The following PPP6R1 variants were observed in gnomAD, a reference collection of about 807,000 sequenced individuals.
PPP6R1 encodes the protein protein phosphatase 6 regulatory subunit 1.
PPP6R1 carries 39 observed loss-of-function variants against 104.6 expected under a neutral mutation model. The observed-to-expected ratio is 0.37, with a 90% CI of 0.29 to 0.49. The LOEUF (loss-of-function observed/expected upper bound fraction) is 0.49, where lower values mean the gene tolerates loss of function less well. PPP6R1 is among the 20% of genes least tolerant of loss of function. PPP6R1 has a pLI of 0.98. For missense variants in PPP6R1, 1,181 were observed against 1,155.8 expected, an observed-to-expected ratio of 1.02 and a Z score of -0.32; for synonymous variants, 549 against 479.0, an observed-to-expected ratio of 1.15 and a Z score of -1.91.
At chr19:55,228,485 T>C (rs2087306997), downstream of PPP6R1, 2 of 1,600,648 alleles carry the variant, frequency 1.2e-6, no homozygotes, top group African/African-American at 1.3e-5. Context: ...CCAGCCCCCA[T>C]TCTTGGGACT....
At chr19:55,231,346 C>T (rs1459556230) in intron 21 of PPP6R1, 64 bp downstream of exon 21, 20 of 1,495,558 alleles carry the variant, frequency 1.3e-5, no homozygotes, top group Admixed American at 9.8e-5. Flanking sequence ...GAACCCAGAG[C>T]CCACCTCAGC....
At chr19:55,251,974 G>C (rs2087557110) in intron 1 of PPP6R1, among the ~76,000 whole-genome samples, 1 of 151,862 alleles carries the variant, frequency 6.6e-6, no homozygotes. Flanking sequence ...AGACCAAGCA[G>C]GCTGATAGGC....
chr19:55,239,309 A>C, intron 15 of PPP6R1, 96 bp downstream of exon 15: 1 of 1,249,494 alleles, frequency 8.0e-7, no homozygotes. Flanking sequence ...CTGAGCCCAC[A>C]GGGCATGTAG....
At chr19:55,257,602 C>T (rs1247405808) in intron 1 of PPP6R1, among the ~76,000 whole-genome samples, 6 of 152,178 alleles carry the variant, frequency 3.9e-5, no homozygotes, top group African/African-American at 1.4e-4. Context: ...TTCCCACTCT[C>T]CATCTGTCAC....
In PPP6R1 at chr19:55,230,427, G is replaced by T; in HGVS notation, c.*101C>A. The T allele has an allele frequency of 1.3e-6, 2 of 1,534,826 alleles. No individual in the cohort carries two copies. The highest frequency in any genetic ancestry group is 1.4e-5 in the African/African-American group (1 of 73,402). On this transcript the variant is annotated 3_prime_UTR_variant, in exon 24 of 24. Coordinates refer to ENST00000412770, the MANE Select transcript of PPP6R1 (RefSeq NM_014931.4). ...GAGGAGAGAATGTGGGGGTGTCAGG[G>T]TGATGAGGGCAATGGGGGCCATCGT... is the stretch of plus-strand genomic sequence containing the variant.
chr19:55,231,303 C>T lies in PPP6R1; in HGVS notation c.2459+107G>A. The T allele has an allele frequency of 4.5e-6, 6 of 1,345,360 alleles. No individual in the cohort carries two copies. The Admixed American group carries it at 9.9e-5, about 22-fold the overall frequency. The allele number at this position is 1,345,360 out of a possible 1,614,324, so 83.3% of individuals were successfully genotyped here. A position where few individuals can be genotyped will look rare whatever the true frequency, so the allele number is the denominator to read the frequency against. On this transcript the variant is annotated intron_variant, in intron 21 of 23. Transcript: ENST00000412770. ...CATGAGGCTGCGCCTGGGGGTCCTG[C>T]AAAGGAGGCCTGGAGCAGCTCAGGG...
At chr19:55,250,898 G>C (rs1039075672) in intron 1 of PPP6R1, among the ~76,000 whole-genome samples, 1 of 152,270 alleles carries the variant, frequency 6.6e-6, no homozygotes, top group African/African-American at 2.4e-5. Flanking sequence ...GCTTGCTGAA[G>C]GGAAAATCAG....
Position 55,231,648 on chromosome 19 carries a change from G to C in PPP6R1, c.2327C>G (p.Pro776Arg), listed in dbSNP as rs753721467. 9.9e-6 allele frequency: 16 copies of C among 1,610,324 alleles called. No individual in the cohort carries two copies. In the South Asian group the frequency reaches 1.4e-4, roughly 14 times the overall value. The change falls in exon 20 of 24, where the codon CCC (proline) becomes CGC (arginine). Residue 776 changes from proline (P) to arginine (R), a missense_variant. Physicochemically the swap from Pro to Arg is moderately radical, Grantham distance 103 (BLOSUM62 -2). Transcript: ENST00000412770. ...TTCTGTGGCTTCCTGAGGTGCTGAG[G>C]GGGGTGTGGGGTCCTGAGACCTGGT... The part of the protein sequence containing the change: ...LQLRSQDPTP[P>R]SAPQEATEGS...
At position 55,258,512 on chromosome 19, in the gene PPP6R1, G is replaced by GC. The variant is rs2087613186; in HGVS notation, c.-85dup. The GC allele has an allele frequency of 6.7e-6, 1 of 149,928 alleles. No individual in the cohort carries two copies. Among genetic ancestry groups the GC allele is most frequent in the Non-Finnish European group, 1.5e-5 (1 of 67,286 alleles). 9.3% of individuals were successfully genotyped at this position (149,928 alleles called of 1,614,324 possible). On this transcript the variant is annotated 5_prime_UTR_variant, in exon 1 of 24. Coordinates refer to ENST00000412770, the MANE Select transcript of PPP6R1 (RefSeq NM_014931.4). ...CCCCGCCCCGCCGCCGGCGGCTCCG[G>GC]CCCCTGCTGCGGGGCCCGGTGAGTG... is the stretch of plus-strand genomic sequence containing the variant.
chr19:55,230,453 G>A lies in PPP6R1; in HGVS notation c.*75C>T, dbSNP rs1216644640. 1 of 1,595,798 alleles carries A rather than the reference G, an allele frequency of 6.3e-7. No individual in the cohort carries two copies. The highest frequency in any genetic ancestry group is 8.6e-7 in the Non-Finnish European group (1 of 1,167,826). On this transcript the variant is annotated 3_prime_UTR_variant, in exon 24 of 24. Coordinates refer to ENST00000412770, the MANE Select transcript of PPP6R1 (RefSeq NM_014931.4). ...TGATGAGGGCAATGGGGGCCATCGT[G>A]GGACCCGCCCTGCCCCCACCCCGGG...
chr19:55,246,969 C>T lies in PPP6R1; in HGVS notation c.135G>A (p.Leu45=), dbSNP rs2087514393. The T allele has an allele frequency of 1.9e-6, 3 of 1,613,874 alleles. No homozygotes were observed. The Admixed American group carries it at 5.0e-5, about 27-fold the overall frequency. The change falls in exon 2 of 24, where the codon CTG becomes CTA. Residue 45 remains leucine, a synonymous_variant. Coordinates refer to ENST00000412770, the MANE Select transcript of PPP6R1 (RefSeq NM_014931.4). ...GGTGGGGTGGCTGCAGCAGGAAGTC[C>T]AGCAGCTTGCGGTTGACGACCTTGC... ...QECKVVNRKL[L]DFLLQPPHLQ... is the part of the protein sequence containing the mutation.
intron 19 of PPP6R1, 63 bp downstream of exon 19, chr19:55,231,739 C>T: frequency 6.7e-7 from 1 of 1,499,702 alleles, no homozygotes; most frequent in Non-Finnish European, 8.9e-7. Context: ...GGACGGGGAC[C>T]CCATGGCCAC....
intron 17 of PPP6R1, 94 bp from the exon 18 acceptor site, chr19:55,232,305 C>G (rs1281003011): frequency 6.9e-7 from 1 of 1,445,292 alleles, no homozygotes; most frequent in African/African-American, 1.4e-5. Flanking sequence ...CCAAGGAGAG[C>G]GGGCTGGGAT....
In PPP6R1 at chr19:55,230,816, C is replaced by A; in HGVS notation, c.2528G>T (p.Gly843Val). 6.2e-7 allele frequency: 1 copy of A among 1,603,556 alleles called. No homozygotes were observed. Among genetic ancestry groups the A allele is most frequent in the Non-Finnish European group, 8.5e-7 (1 of 1,178,732 alleles). Residue 843 changes from glycine (G) to valine (V), a missense_variant, in exon 22 of 24, where the codon GGG (glycine) becomes GTG (valine). Transcript: ENST00000412770. Reference protein sequence around the residue: ...GAHQPPQTTEGEKSPEPLGLP... With the variant: ...GAHQPPQTTEVEKSPEPLGLP... Reference sequence around the variant, plus strand: ...CCCCAAGGGCTCTGGGCTCTTCTCCCCTTCTGTGGTCTGGGGGGGCTGGTG... The same window carrying A: ...CCCCAAGGGCTCTGGGCTCTTCTCCACTTCTGTGGTCTGGGGGGGCTGGTG...
In PPP6R1 at chr19:55,236,687, G is replaced by C; in HGVS notation, c.1944C>G (p.Ser648Arg). 1 of 1,606,088 alleles carries C rather than the reference G, an allele frequency of 6.2e-7. No homozygotes were observed. The change falls in exon 17 of 24, where the codon AGC becomes AGG. Residue 648 changes from serine to arginine, a missense_variant. Physicochemically the swap from Ser to Arg is moderately radical, Grantham distance 110 (BLOSUM62 -1). Coordinates refer to ENST00000412770, the MANE Select transcript of PPP6R1 (RefSeq NM_014931.4). Reference protein sequence around the residue: ...SDGEDGAWQGSQLARGARLGQ... With the variant: ...SDGEDGAWQGRQLARGARLGQ... ...CCAGACGGGCCCCCCTGGCCAGCTG[G>C]CTGCCCTGCCAGGCGCCATCTTCTC...
At chr19:55,250,844 C>T (rs1272859426) in intron 1 of PPP6R1, among the ~76,000 whole-genome samples, 4 of 151,986 alleles carry the variant, frequency 2.6e-5, no homozygotes, top group African/African-American at 9.7e-5. Context: ...CACACTCGAC[C>T]GCAGGCGACC....
At chr19:55,257,419 C>G (rs977518806) in intron 1 of PPP6R1, among the ~76,000 whole-genome samples, 1 of 152,206 alleles carries the variant, frequency 6.6e-6, no homozygotes, top group South Asian at 2.1e-4. Flanking sequence ...TCTGTGTGTA[C>G]TACGAGCGAG....
At chr19:55,255,428 G>A (rs1215583345) in intron 1 of PPP6R1, among the ~76,000 whole-genome samples, 1 of 152,174 alleles carries the variant, frequency 6.6e-6, no homozygotes, top group Non-Finnish European at 1.5e-5. Context: ...TCCCCAAACT[G>A]AAATCTCTGT....
At chr19:55,240,679 G>A (rs2087447539) in intron 10 of PPP6R1, among the ~76,000 whole-genome samples, 1 of 152,082 alleles carries the variant, frequency 6.6e-6, no homozygotes, top group Non-Finnish European at 1.5e-5. Flanking sequence ...GCACGTGTGC[G>A]CACTCATGCA....
Sources: allele counts gnomAD v4.1 joint callset (sites outside exome capture counted in the v4.1 genomes callset), GRCh38; gene constraint gnomAD v4.1.1; transcripts MANE v1.5; gene names NCBI Gene and HGNC (gene_info 2026-07-23, HGNC 2026-07-21).